KIF16B: variants seen among roughly 807,000 people sequenced by gnomAD.
KIF16B encodes the protein kinesin-like protein KIF16B.
A neutral mutation model predicts 156.3 loss-of-function variants in KIF16B; 98 were observed. The ratio of observed to expected loss-of-function variants is 0.63; its 90% CI spans 0.53 to 0.74. KIF16B has a LOEUF of 0.74. KIF16B is among the 30% of genes least tolerant of loss of function. KIF16B has a pLI of 0.00. For missense variants in KIF16B, 1,421 were observed against 1,606.5 expected, an observed-to-expected ratio of 0.88 and a Z score of 1.97; for synonymous variants, 564 against 583.7, an observed-to-expected ratio of 0.97 and a Z score of 0.49.
At chr20:16,457,171 C>T (rs868652820) in intron 12 of KIF16B, among the ~76,000 whole-genome samples, 12 of 152,070 alleles carry the variant, frequency 7.9e-5, no homozygotes, top group African/African-American at 2.7e-4. Flanking sequence ...GACCTTTGGT[C>T]ATAGTTTACT....
chr20:16,444,785 T>C (rs2066889157), intron 12 of KIF16B, among the ~76,000 whole-genome samples: 1 of 152,206 alleles, frequency 6.6e-6, no homozygotes, highest in African/African-American at 2.4e-5. Flanking sequence ...TTGCCAACAA[T>C]GCTGAGATGA....
At chr20:16,515,436 A>T (rs2069112327) in intron 4 of KIF16B, 112 bp downstream of exon 4, 1 of 619,570 alleles carries the variant, frequency 1.6e-6, no homozygotes. Flanking sequence ...ATTACTAAAG[A>T]ATAATCAGAA....
chr20:16,291,001 A>AAAAAAG (rs1394274129), intron 25 of KIF16B, among the ~76,000 whole-genome samples: 1 of 151,988 alleles, frequency 6.6e-6, no homozygotes, highest in Non-Finnish European at 1.5e-5. Flanking sequence ...GCTAGGAGCT[A>AAAAAAG]AAAAAGAAAA....
chr20:16,313,645 G>A (rs2063654651), intron 24 of KIF16B, among the ~76,000 whole-genome samples: 1 of 152,082 alleles, frequency 6.6e-6, no homozygotes, highest in African/African-American at 2.4e-5. Context: ...GCATCGCTTG[G>A]TTTTTCCTAC....
chr20:16,462,894 C>T (rs1487902091), intron 12 of KIF16B, among the ~76,000 whole-genome samples: 11 of 152,190 alleles, frequency 7.2e-5, no homozygotes, highest in Non-Finnish European at 1.5e-5. Flanking sequence ...CTTTGTCAAC[C>T]ACATGTTCAG....
At chr20:16,503,757 A>C (rs2068690557) in intron 10 of KIF16B, among the ~76,000 whole-genome samples, 1 of 152,216 alleles carries the variant, frequency 6.6e-6, no homozygotes, top group South Asian at 2.1e-4. Context: ...AACTCTGTAC[A>C]TACACCATGC....
intron 12 of KIF16B, among the ~76,000 whole-genome samples, chr20:16,475,005 C>T (rs912989571): frequency 1.3e-5 from 2 of 152,180 alleles, no homozygotes; most frequent in Admixed American, 1.3e-4. Flanking sequence ...TCTCACCAAG[C>T]AAGTGTTCGA....
chr20:16,545,068 C>T (rs1600668961), intron 1 of KIF16B, among the ~76,000 whole-genome samples: 1 of 152,180 alleles, frequency 6.6e-6, no homozygotes, highest in Admixed American at 6.6e-5. Flanking sequence ...CTTGTTTCTC[C>T]CTGCAGTCAC....
rs752435760 is a variant in KIF16B at position 16,379,718 on chromosome 20, C to T, written c.2284G>A (p.Val762Met). The change falls in exon 19 of 26, where the codon GTG becomes ATG. Residue 762 changes from valine (V) to methionine (M), a missense_variant. Physicochemically the swap from Val to Met is conservative, Grantham distance 21. Coordinates refer to ENST00000354981, the MANE Select transcript of KIF16B (RefSeq NM_024704.5). ...EEQEKEQVMLVAHLEEQLREK... is the reference protein window; with the variant it reads ...EEQEKEQVMLMAHLEEQLREK... ...CGGAGCTGCTCTTCCAGATGGGCCACGAGCATGACCTGCTCCTTCTCCTGC... is the reference window on the plus strand; with the variant it reads ...CGGAGCTGCTCTTCCAGATGGGCCATGAGCATGACCTGCTCCTTCTCCTGC... 26 of 1,614,038 alleles carry T rather than the reference C, an allele frequency of 1.6e-5. No homozygotes were observed. The highest frequency in any genetic ancestry group is 1.6e-4 in the Middle Eastern group (1 of 6,084).
intron 3 of KIF16B, among the ~76,000 whole-genome samples, chr20:16,521,745 G>A (rs2069359846): frequency 6.6e-6 from 1 of 152,092 alleles, no homozygotes; most frequent in African/African-American, 2.4e-5. Context: ...GGAAATGAAG[G>A]AAAAAATGTT....
chr20:16,326,153 A>G (rs2063844249), intron 24 of KIF16B, among the ~76,000 whole-genome samples: 1 of 152,178 alleles, frequency 6.6e-6, no homozygotes, highest in South Asian at 2.1e-4. Flanking sequence ...TCAACTCAGG[A>G]TGAATCAAAG....
intron 14 of KIF16B, among the ~76,000 whole-genome samples, chr20:16,427,778 C>G (rs2066394940): frequency 6.6e-6 from 1 of 152,100 alleles, no homozygotes; most frequent in Non-Finnish European, 1.5e-5. Context: ...ATGCCTGTTG[C>G]CTGAGCCTGT....
chr20:16,296,167 G>A (rs2063383166), intron 25 of KIF16B, among the ~76,000 whole-genome samples: 1 of 152,164 alleles, frequency 6.6e-6, no homozygotes, highest in South Asian at 2.1e-4. Context: ...GAGGTCAATA[G>A]CAACTGGAAG....
At chr20:16,370,464 T>C (rs1035710782) in intron 22 of KIF16B, 122 bp downstream of exon 22, 39 of 674,614 alleles carry the variant, frequency 5.8e-5, no homozygotes, top group Non-Finnish European at 8.4e-5. Flanking sequence ...CCTTCCCTAT[T>C]AGCCATTAAT....
rs1319924505 is a variant in KIF16B at position 16,379,551 on chromosome 20, C to G, written c.2451G>C (p.Glu817Asp). 1.2e-6 allele frequency: 2 copies of G among 1,614,188 alleles called. No individual in the cohort carries two copies. Among genetic ancestry groups the G allele is most frequent in the Non-Finnish European group, 1.7e-6 (2 of 1,180,042 alleles). ...ARAGGDEDGE[E>D]LEKAQLRFFE... ...AGAAACGCAGTTGAGCCTTTTCTAA[C>G]TCCTCGCCATCTTCATCCCCTCCGG... Residue 817 changes from glutamate to aspartate, a missense_variant, in exon 19 of 26, where the codon GAG becomes GAC. Physicochemically the swap from Glu to Asp is conservative, Grantham distance 45 (BLOSUM62 2). Transcript: ENST00000354981.
rs192942360 is a variant in KIF16B at position 16,273,264 on chromosome 20, C to T, written c.3943G>A (p.Gly1315Arg). 977 of 1,613,902 alleles carry T rather than the reference C, an allele frequency of 6.1e-4. 3 individuals are homozygous for T. Among genetic ancestry groups the T allele is most frequent in the Non-Finnish European group, 2.4e-4 (284 of 1,179,934 alleles). The change falls in exon 26 of 26, where the codon GGG becomes AGG. Residue 1315 changes from glycine to arginine, a missense_variant. Gly to Arg is a moderately radical substitution (Grantham distance 125). Transcript: ENST00000354981. ...CATCACCCCTGGCTCTACCCCGTCC[C>T]GTGGCTGCTGTAGTCAAAGACTCCT... ...KKGVFDYSSH[G>R]TG is the part of the protein sequence containing the mutation.
intron 12 of KIF16B, among the ~76,000 whole-genome samples, chr20:16,467,085 T>C (rs1345392913): frequency 6.6e-6 from 1 of 152,222 alleles, no homozygotes; most frequent in Non-Finnish European, 1.5e-5. Context: ...CAAAAGATTT[T>C]ACCAGAGCCT....
intron 12 of KIF16B, among the ~76,000 whole-genome samples, chr20:16,435,160 T>C (rs931715488): frequency 6.6e-6 from 1 of 152,200 alleles, no homozygotes; most frequent in Non-Finnish European, 1.5e-5. Context: ...TGAAACATAA[T>C]CACAGTGCAT....
chr20:16,396,140 C>G (rs1470357155), intron 17 of KIF16B, among the ~76,000 whole-genome samples: 1 of 152,130 alleles, frequency 6.6e-6, no homozygotes, highest in Non-Finnish European at 1.5e-5. Context: ...ACCCAGTCCC[C>G]AGGCTGCGGA....
Sources: allele counts gnomAD v4.1 joint callset (sites outside exome capture counted in the v4.1 genomes callset), GRCh38; gene constraint gnomAD v4.1.1; transcripts MANE v1.5; gene names NCBI Gene and HGNC (gene_info 2026-07-23, HGNC 2026-07-21).